Variants in CSGALNACT1 observed in about 807,000 individuals in gnomAD.
CSGALNACT1 encodes chondroitin sulfate N-acetylgalactosaminyltransferase 1, also known as beta4GalNAcT-1.
A neutral mutation model predicts 51.0 loss-of-function variants in CSGALNACT1; 52 were observed. That is an observed-to-expected ratio of 1.02 (90% confidence interval 0.82 to 1.29). The LOEUF (loss-of-function observed/expected upper bound fraction) is 1.29, where lower values mean the gene tolerates loss of function less well. CSGALNACT1 is among the 50% of genes most tolerant of loss of function. The pLI is 0.00. For synonymous variants in CSGALNACT1, 341 were observed against 254.4 expected, an observed-to-expected ratio of 1.34 and a Z score of -3.24; for missense variants, 935 against 679.2, an observed-to-expected ratio of 1.38 and a Z score of -4.19.
chr8:19,424,419 C>T lies in CSGALNACT1; in HGVS notation c.954-3901G>A, dbSNP rs1355947185. 2.6e-5 allele frequency among the ~76,000 whole-genome samples: 4 copies of T among 152,162 alleles called. No individual in the cohort carries two copies. The East Asian group carries it at 7.7e-4, about 29-fold the overall frequency. On this transcript the variant is annotated intron_variant, in intron 6 of 9. Transcript: ENST00000454498. ...CAGTGATCTGAAAGAACCCCTCCAA[C>T]TCCTCTCTTGCCATCAGGAAGAGCC...
chr8:19,588,830 C>T (rs1203216903), intron 3 of CSGALNACT1, among the ~76,000 whole-genome samples: 1 of 152,208 alleles, frequency 6.6e-6, no homozygotes, highest in Non-Finnish European at 1.5e-5. Flanking sequence ...CTTCCATATA[C>T]TACCTTAGCT....
chr8:19,480,236 A>G (rs1325123558), intron 4 of CSGALNACT1, among the ~76,000 whole-genome samples: 6 of 152,104 alleles, frequency 3.9e-5, no homozygotes, highest in Non-Finnish European at 7.4e-5. Flanking sequence ...AGTACCTATT[A>G]TTTTTCCTGG....
intron 1 of CSGALNACT1, among the ~76,000 whole-genome samples, 188 bp downstream of exon 1, chr8:19,756,998 G>C (rs1589850199): frequency 6.6e-6 from 1 of 150,662 alleles, no homozygotes; most frequent in African/African-American, 2.4e-5. Flanking sequence ...CGTGCCCTGG[G>C]CCCCCGGCGG....
At chr8:19,548,564 T>A (rs758490526) in intron 3 of CSGALNACT1, among the ~76,000 whole-genome samples, 20,943 of 152,332 alleles carry the variant, frequency 0.14, 38 homozygotes, top group Middle Eastern at 0.19. Context: ...TCTCAAATAT[T>A]ATTTTTAAAA....
chr8:19,666,708 G>C (rs534359870), intron 1 of CSGALNACT1, among the ~76,000 whole-genome samples: 41 of 145,764 alleles, frequency 2.8e-4, no homozygotes, highest in Non-Finnish European at 4.9e-4. Context: ...GAGAGAAAGA[G>C]AGAAAAGACA....
At chr8:19,505,596 G>A in exon 4 of CSGALNACT1, 1 of 1,614,054 alleles carries the variant, frequency 6.2e-7, no homozygotes, top group Non-Finnish European at 8.5e-7. Context: ...CTTGAGCTGT[G>A]CGATCTGCCG....
At chr8:19,423,781 C>T (rs1370695787) in intron 6 of CSGALNACT1, among the ~76,000 whole-genome samples, 2 of 152,166 alleles carry the variant, frequency 1.3e-5, no homozygotes, top group African/African-American at 2.4e-5. Context: ...TGCTTCCTTT[C>T]TCTTCATGCA....
intron 3 of CSGALNACT1, among the ~76,000 whole-genome samples, chr8:19,556,395 A>T (rs1281196768): frequency 6.6e-6 from 1 of 152,138 alleles, no homozygotes; most frequent in Admixed American, 6.5e-5. Context: ...AAAAAAAAAA[A>T]AAAGATGATT....
At chr8:19,644,969 G>A (rs2057124932) in intron 1 of CSGALNACT1, among the ~76,000 whole-genome samples, 1 of 151,936 alleles carries the variant, frequency 6.6e-6, no homozygotes, top group Admixed American at 6.6e-5. Flanking sequence ...GCCTCTGTCT[G>A]GCCAAGAAAC....
At chr8:19,438,141 C>G (rs1222798078) in intron 6 of CSGALNACT1, among the ~76,000 whole-genome samples, 1 of 139,662 alleles carries the variant, frequency 7.2e-6, no homozygotes, top group East Asian at 2.4e-4. Context: ...TGAAGCCCAG[C>G]TGTACTTCAG....
exon 10 of CSGALNACT1, chr8:19,404,422 CTG>C (rs1315259410): frequency 6.6e-6 from 3 of 452,980 alleles, no homozygotes; most frequent in African/African-American, 2.0e-5. Flanking sequence ...TCTATGTTAA[CTG>C]TATTTATTTT....
chr8:19,627,652 G>A (rs1037186238), intron 1 of CSGALNACT1, among the ~76,000 whole-genome samples: 6 of 152,038 alleles, frequency 3.9e-5, no homozygotes, highest in Non-Finnish European at 7.4e-5. Flanking sequence ...AGCGAGACCT[G>A]TCTCGAAAAA....
At chr8:19,678,240 G>A (rs1306691264) in intron 1 of CSGALNACT1, among the ~76,000 whole-genome samples, 3 of 152,142 alleles carry the variant, frequency 2.0e-5, no homozygotes, top group African/African-American at 7.2e-5. Context: ...GCATACCGGG[G>A]CAAAAAGGCC....
At position 19,404,373 on chromosome 8, in the gene CSGALNACT1, GGT is replaced by G. The variant is rs368106336; in HGVS notation, c.*1405_*1406del. 120 of 453,760 alleles carry G rather than the reference GGT, an allele frequency of 2.6e-4. 1 individual carries two copies. Among genetic ancestry groups the G allele is most frequent in the African/African-American group, 2.0e-3 (102 of 50,066 alleles). 28.1% of individuals were successfully genotyped at this position (453,760 alleles called of 1,614,324 possible). A position where few individuals can be genotyped will look rare whatever the true frequency, so the allele number is the denominator to read the frequency against. On this transcript the variant is annotated 3_prime_UTR_variant, in exon 10 of 10. Coordinates refer to ENST00000454498, the Ensembl canonical transcript of CSGALNACT1. ...AAAGAGATAATTAGCTCATGCATCT[GGT>G]GCTGGCTAATAATTTTCACATGAAT...
At chr8:19,437,334 G>C (rs535394175) in intron 6 of CSGALNACT1, among the ~76,000 whole-genome samples, 2 of 152,142 alleles carry the variant, frequency 1.3e-5, no homozygotes, top group African/African-American at 4.8e-5. Context: ...CTCCCAGTTT[G>C]GCTAGGGAGC....
At chr8:19,708,859 G>A (rs1297110747) in intron 1 of CSGALNACT1, among the ~76,000 whole-genome samples, 4 of 152,258 alleles carry the variant, frequency 2.6e-5, no homozygotes, top group African/African-American at 9.6e-5. Flanking sequence ...GCCCTCTCTT[G>A]TCCCTCTCAT....
intron 4 of CSGALNACT1, among the ~76,000 whole-genome samples, chr8:19,482,657 C>G (rs2071747034): frequency 6.6e-6 from 1 of 152,174 alleles, no homozygotes; most frequent in South Asian, 2.1e-4. Context: ...GGGTGCCCTT[C>G]CTCTGCCTAT....
intron 4 of CSGALNACT1, among the ~76,000 whole-genome samples, chr8:19,471,027 T>A (rs1302209226): frequency 6.6e-6 from 1 of 150,718 alleles, no homozygotes; most frequent in South Asian, 2.1e-4. Context: ...ACCTGGGAGG[T>A]GGAGGTTTCA....
intron 8 of CSGALNACT1, among the ~76,000 whole-genome samples, chr8:19,417,867 C>T (rs765843084): frequency 7.9e-5 from 12 of 152,204 alleles, no homozygotes; most frequent in Non-Finnish European, 1.8e-4. Context: ...AAATTCCATC[C>T]ATGGGGGCCA....
Sources: gnomAD v4.1 joint callset for allele counts (sites outside exome capture counted in the v4.1 genomes callset) on GRCh38, gnomAD v4.1.1 for gene constraint, MANE v1.5 for transcripts, NCBI Gene and HGNC (gene_info 2026-07-23, HGNC 2026-07-21) for gene names.